STK32B: variants seen among roughly 807,000 people sequenced by gnomAD.
STK32B encodes serine/threonine kinase 32B, also known as serine/threonine-protein kinase 32B.
A neutral mutation model predicts 52.6 loss-of-function variants in STK32B; 43 were observed. That is an observed-to-expected ratio of 0.82 (90% CI 0.64 to 1.05). The LOEUF is 1.05. Among genes scored for constraint, STK32B ranks in the 50% least tolerant of loss-of-function variants. The pLI is 0.00. For missense variants in STK32B, 621 were observed against 534.6 expected (o/e 1.16, Z -1.59); for synonymous variants, 238 against 204.3 (o/e 1.17, Z -1.41).
the STK32B span, among the ~76,000 whole-genome samples, chr4:5,023,709 C>A: frequency 6.6e-6 from 1 of 152,148 alleles, no homozygotes; most frequent in Non-Finnish European, 1.5e-5. Context: ...CCTCAAGACC[C>A]TTCAATTACA....
At position 5,399,586 on chromosome 4, in the gene STK32B, C is replaced by G. The variant is rs541233843; in HGVS notation, c.472+1342C>G. On this transcript the variant is annotated intron_variant, in intron 5 of 11. Coordinates refer to ENST00000282908, the MANE Select transcript of STK32B (RefSeq NM_018401.3). The surrounding 1 kb of genome is among the most constrained non-coding windows in gnomAD (Gnocchi z 5.4). Reference sequence around the variant, plus strand: ...ACAGAGCTGAGGATCCAAATCAAGGCTGGAAAGGAAGCGAAAGCAACGTCT... The same window carrying G: ...ACAGAGCTGAGGATCCAAATCAAGGGTGGAAAGGAAGCGAAAGCAACGTCT... Among the ~76,000 whole-genome samples the G allele has an allele frequency of 2.0e-5, 3 of 152,246 alleles. No homozygotes were observed. In the South Asian group the frequency reaches 6.2e-4, roughly 32 times the overall value.
rs1483998124 is a variant in STK32B at position 5,159,588 on chromosome 4, A to AATATATATGAAT, written c.109-8692_109-8681dup. 5.7e-5 allele frequency among the ~76,000 whole-genome samples: 6 copies of AATATATATGAAT among 105,880 alleles called. 2 individuals are homozygous for AATATATATGAAT. Among genetic ancestry groups the AATATATATGAAT allele is most frequent in the African/African-American group, 2.1e-4 (4 of 19,338 alleles). The allele number at this position is 105,880 out of a possible 152,430, so 69.5% of individuals were successfully genotyped here. The stretch of plus-strand genomic sequence containing the variant: ...ATGAATATATATGAATATATATATG[A>AATATATATGAAT]ATATATATGAATATATATATGAATA... On this transcript the variant is annotated intron_variant, in intron 2 of 11. Coordinates refer to ENST00000282908, the MANE Select transcript of STK32B (RefSeq NM_018401.3).
At chr4:5,225,331 C>T (rs1723791768) in intron 3 of STK32B, among the ~76,000 whole-genome samples, 2 of 151,948 alleles carry the variant, frequency 1.3e-5, no homozygotes, top group African/African-American at 2.4e-5. Flanking sequence ...CGTTTGAACC[C>T]AGGAGGCGGA....
intron 4 of STK32B, among the ~76,000 whole-genome samples, chr4:5,333,906 G>A (rs2108958549): frequency 6.6e-6 from 1 of 152,304 alleles, no homozygotes. Context: ...AAGTCAGGTA[G>A]CATGATGCCT....
At chr4:5,494,766 G>T (rs913577182) in intron 11 of STK32B, among the ~76,000 whole-genome samples, 1 of 152,166 alleles carries the variant, frequency 6.6e-6, no homozygotes, top group Non-Finnish European at 1.5e-5. Context: ...TTTAGGGCAG[G>T]CCTGATGGTG....
chr4:5,305,616 G>A (rs1654058251), intron 3 of STK32B, among the ~76,000 whole-genome samples: 1 of 151,954 alleles, frequency 6.6e-6, no homozygotes, highest in Non-Finnish European at 1.5e-5. Context: ...CATACTAATG[G>A]TCTATCAATT....
At chr4:5,231,996 C>G (rs1278146467) in intron 3 of STK32B, among the ~76,000 whole-genome samples, 2 of 152,154 alleles carry the variant, frequency 1.3e-5, no homozygotes, top group East Asian at 3.9e-4. Context: ...TGAGAACATA[C>G]TAGCCGAGTG....
At chr4:5,436,615 G>C (rs1714103616) in intron 6 of STK32B, 1 of 985,430 alleles carries the variant, frequency 1.0e-6, no homozygotes, top group Non-Finnish European at 1.2e-6. Context: ...GGGAAAACAA[G>C]CATCAGAACA....
chr4:5,040,617 C>T, the STK32B span, among the ~76,000 whole-genome samples: 7 of 152,092 alleles, frequency 4.6e-5, no homozygotes, highest in Admixed American at 1.3e-4. Context: ...TGGTCTCAAT[C>T]GCTTGACCTC....
At chr4:5,411,640 T>C (rs1197123276) in intron 5 of STK32B, among the ~76,000 whole-genome samples, 2 of 152,212 alleles carry the variant, frequency 1.3e-5, no homozygotes, top group East Asian at 3.8e-4. Context: ...ATAGTATTCC[T>C]GTGGTGTCCT....
At chr4:5,127,087 C>G (rs1312399666) in intron 1 of STK32B, 4 of 510,502 alleles carry the variant, frequency 7.8e-6, no homozygotes, top group Non-Finnish European at 1.6e-5. Flanking sequence ...GTGCTTTATT[C>G]ATGAGCCGTG....
At chr4:5,146,306 A>G (rs529931506) in intron 2 of STK32B, among the ~76,000 whole-genome samples, 1 of 152,254 alleles carries the variant, frequency 6.6e-6, no homozygotes, top group East Asian at 1.9e-4. Context: ...GGGAAACCGA[A>G]AATGCAGCCT....
intron 2 of STK32B, among the ~76,000 whole-genome samples, chr4:5,155,191 A>G (rs896494367): frequency 7.9e-5 from 12 of 151,950 alleles, no homozygotes; most frequent in South Asian, 6.2e-4. Flanking sequence ...TGAGATGTCC[A>G]CTCTGTGGCG....
chr4:5,308,740 T>G (rs903945833), intron 3 of STK32B, among the ~76,000 whole-genome samples: 8 of 152,128 alleles, frequency 5.3e-5, no homozygotes, highest in African/African-American at 1.9e-4. Context: ...TAAATTATCT[T>G]GTATACCTCA....
chr4:5,236,758 C>T (rs1053703342), intron 3 of STK32B, among the ~76,000 whole-genome samples: 6 of 152,206 alleles, frequency 3.9e-5, no homozygotes, highest in African/African-American at 1.4e-4. Context: ...GAATACACCA[C>T]AATTTATTTA....
intron 3 of STK32B, among the ~76,000 whole-genome samples, chr4:5,282,490 A>G (rs1283178479): frequency 1.3e-5 from 2 of 152,184 alleles, no homozygotes; most frequent in Non-Finnish European, 2.9e-5. Flanking sequence ...ATCTACTGTA[A>G]TAGAAGTTAC....
rs541138795 is a variant in STK32B, at chr4:5,483,862, G to T, written c.1107-15083G>T. Among the ~76,000 whole-genome samples, 9 of 152,232 alleles carry T rather than the reference G, an allele frequency of 5.9e-5. No homozygotes were observed. In the South Asian group the frequency reaches 1.9e-3, roughly 32 times the overall value. ...CGTTGTGTACCCAGCAGTCATTCAGGAGCAGGTTGTTCAGTTTCTATGTAG... is the reference window on the plus strand; with the variant it reads ...CGTTGTGTACCCAGCAGTCATTCAGTAGCAGGTTGTTCAGTTTCTATGTAG... On this transcript the variant is annotated intron_variant, in intron 11 of 11. Transcript: ENST00000282908.
At chr4:5,233,701 G>A (rs1724430311) in intron 3 of STK32B, among the ~76,000 whole-genome samples, 1 of 151,346 alleles carries the variant, frequency 6.6e-6, no homozygotes, top group South Asian at 2.1e-4. Flanking sequence ...CAGAGAGGTG[G>A]ACAAGCCATT....
intron 4 of STK32B, among the ~76,000 whole-genome samples, chr4:5,384,702 G>T (rs1355578095): frequency 6.6e-6 from 1 of 152,204 alleles, no homozygotes; most frequent in Non-Finnish European, 1.5e-5. Flanking sequence ...AGACCATGGA[G>T]TGTGGGCTGG....
Sources: gnomAD v4.1 joint callset for allele counts (sites outside exome capture counted in the v4.1 genomes callset) on GRCh38, gnomAD v4.1.1 for gene constraint, Gnocchi (gnomAD v3.1) non-coding constraint, MANE v1.5 for transcripts, NCBI Gene and HGNC (gene_info 2026-07-23, HGNC 2026-07-21) for gene names.